The following BCO2 variants were observed in gnomAD, a reference collection of about 807,000 sequenced individuals.
BCO2 encodes the protein carotenoid-cleaving dioxygenase, mitochondrial.
Under a neutral mutation model 65.8 loss-of-function variants are expected in BCO2, and 56 were observed. The observed-to-expected ratio is 0.85, with a 90% CI of 0.69 to 1.06. The LOEUF (loss-of-function observed/expected upper bound fraction) is 1.06. Ranked by LOEUF, BCO2 falls within the 50% of genes least tolerant of loss-of-function variation. The pLI, the probability that BCO2 is intolerant of heterozygous loss-of-function variation, is 0.00. For missense variants in BCO2, 675 were observed against 698.5 expected (o/e 0.97, Z 0.38); for synonymous variants, 233 against 242.3 (o/e 0.96, Z 0.36).
chr11:112,194,000 G>A lies in BCO2; in HGVS notation c.633+6G>A, dbSNP rs201656985. On this transcript the variant is annotated splice_donor_region_variant and intron_variant, in intron 4 of 11. Coordinates refer to ENST00000357685, the MANE Select transcript of BCO2 (RefSeq NM_031938.7). Reference sequence around the variant, plus strand: ...CTCTGGAAAAAACAGAAAAGGTAAAGTACAGGTAAAAAAAAATGAATAAAA... The same window carrying A: ...CTCTGGAAAAAACAGAAAAGGTAAAATACAGGTAAAAAAAAATGAATAAAA... 6 of 1,431,074 alleles carry A rather than the reference G, an allele frequency of 4.2e-6. No homozygotes were observed. The highest frequency in any genetic ancestry group is 4.9e-6 in the Non-Finnish European group (5 of 1,014,522). 88.6% of individuals were successfully genotyped at this position (1,431,074 alleles called of 1,614,324 possible). A position where few individuals can be genotyped will look rare whatever the true frequency, so the allele number is the denominator to read the frequency against.
At chr11:112,194,825 C>A in intron 5 of BCO2, 70 bp downstream of exon 5, 1 of 1,118,362 alleles carries the variant, frequency 8.9e-7, no homozygotes, top group Non-Finnish European at 1.3e-6. Flanking sequence ...AAGATGAATA[C>A]TACAGGTTTG....
chr11:112,178,074 ATTT>A (rs11480780), intron 1 of BCO2, among the ~76,000 whole-genome samples: 1 of 141,758 alleles, frequency 7.1e-6, no homozygotes. Flanking sequence ...ACACCCGGCT[ATTT>A]TTTTTTTTTG....
At chr11:112,190,473 C>G (rs1199132100) in intron 2 of BCO2, among the ~76,000 whole-genome samples, 1 of 152,060 alleles carries the variant, frequency 6.6e-6, no homozygotes, top group Non-Finnish European at 1.5e-5. Context: ...TTAGTAAGTT[C>G]CAGGAAAAAT....
chr11:112,215,141 G>C, intron 10 of BCO2, 197 bp downstream of exon 10: 2 of 580,160 alleles, frequency 3.4e-6, no homozygotes, highest in South Asian at 4.2e-5. Context: ...CCCAGGCCCA[G>C]CAAAATAATT....
intron 2 of BCO2, 123 bp from the exon 3 acceptor site, chr11:112,193,351 G>A (rs2135369008): frequency 3.4e-6 from 3 of 894,560 alleles, no homozygotes; most frequent in Non-Finnish European, 5.2e-6. Context: ...TGACTAATCA[G>A]GTTGTGCTGG....
intron 8 of BCO2, among the ~76,000 whole-genome samples, chr11:112,212,768 C>A (rs916936360): frequency 3.3e-5 from 5 of 152,170 alleles, no homozygotes; most frequent in African/African-American, 1.2e-4. Flanking sequence ...ACATGATGAC[C>A]CTCAGTTACT....
intron 11 of BCO2, 140 bp downstream of exon 11, chr11:112,216,470 T>G: frequency 1.7e-6 from 1 of 593,322 alleles, no homozygotes; most frequent in Non-Finnish European, 3.0e-6. Context: ...TTACATACCC[T>G]TTTATCTCAA....
chr11:112,181,326 C>G (rs1867040390), intron 2 of BCO2, among the ~76,000 whole-genome samples: 1 of 148,836 alleles, frequency 6.7e-6, no homozygotes, highest in Non-Finnish European at 1.5e-5. Context: ...GGACTACAGG[C>G]GCCCGCCACT....
chr11:112,176,526 G>GGGGC (rs1555193567), intron 1 of BCO2: 1 of 122,368 alleles, frequency 8.2e-6, no homozygotes, highest in African/African-American at 3.0e-5. Context: ...GCGGGGGGGG[G>GGGGC]GGAATTAAAC....
Position 112,193,706 on chromosome 11 carries a change from G to C in BCO2, c.517+9G>C. ...GCCTGGTAAAGCTGCAGGTGATAGT[G>C]ATGATTATTTAAACTATTACGATAT... On this transcript the variant is annotated intron_variant, in intron 3 of 11. Transcript: ENST00000357685. 2 of 1,607,590 alleles carry C rather than the reference G, an allele frequency of 1.2e-6. No homozygotes were observed. The highest frequency in any genetic ancestry group is 1.7e-6 in the Non-Finnish European group (2 of 1,175,124).
chr11:112,181,282 C>G (rs937204874), intron 2 of BCO2: 141 of 549,868 alleles, frequency 2.6e-4, no homozygotes, highest in Middle Eastern at 5.0e-4. Flanking sequence ...CCCGGGTTCA[C>G]GCCATTCTCC....
intron 8 of BCO2, among the ~76,000 whole-genome samples, chr11:112,211,312 G>A (rs968524724): frequency 2.0e-5 from 2 of 101,042 alleles, no homozygotes; most frequent in Non-Finnish European, 4.0e-5. Flanking sequence ...AATAATATTC[G>A]ATTGTATACA....
At position 112,185,584 on chromosome 11, in the gene BCO2, G is replaced by A. The variant is rs185164285; in HGVS notation, c.293+6102G>A. Reference sequence around the variant, plus strand: ...GATGTATTTCCTGCCAGTTTTCCTCGCTATTTCTACGGATTTGTTTTAAAC... The same window carrying A: ...GATGTATTTCCTGCCAGTTTTCCTCACTATTTCTACGGATTTGTTTTAAAC... On this transcript the variant is annotated intron_variant, in intron 2 of 11. Transcript: ENST00000357685. Among the ~76,000 whole-genome samples the A allele has an allele frequency of 3.5e-4, 54 of 152,124 alleles. 1 individual carries two copies. The highest frequency in any genetic ancestry group is 1.3e-3 in the African/African-American group (53 of 41,488).
chr11:112,210,712 T>C (rs1001149355), intron 8 of BCO2, among the ~76,000 whole-genome samples: 3 of 151,614 alleles, frequency 2.0e-5, no homozygotes, highest in Non-Finnish European at 4.4e-5. Flanking sequence ...GCGTGGTGGG[T>C]ACATGAATTT....
intron 7 of BCO2, 150 bp downstream of exon 7, chr11:112,200,923 T>G: frequency 2.6e-6 from 2 of 775,082 alleles, no homozygotes; most frequent in Non-Finnish European, 4.2e-6. Context: ...TTGAGCTAGC[T>G]ACTTATTAAT....
At chr11:112,197,161 C>T (rs1867605250) in intron 5 of BCO2, among the ~76,000 whole-genome samples, 1 of 152,156 alleles carries the variant, frequency 6.6e-6, no homozygotes, top group African/African-American at 2.4e-5. Flanking sequence ...GAGTCTTCCC[C>T]ATCTCAGGAG....
At chr11:112,203,616 A>G (rs906970301) in intron 8 of BCO2, among the ~76,000 whole-genome samples, 1 of 152,202 alleles carries the variant, frequency 6.6e-6, no homozygotes, top group Non-Finnish European at 1.5e-5. Flanking sequence ...GTTAAAATCT[A>G]CTTGTTTAAC....
chr11:112,181,283 G>T, intron 2 of BCO2: 1 of 550,842 alleles, frequency 1.8e-6, no homozygotes, highest in Non-Finnish European at 3.2e-6. Context: ...CCGGGTTCAC[G>T]CCATTCTCCT....
intron 2 of BCO2, among the ~76,000 whole-genome samples, chr11:112,188,069 C>T (rs532663225): frequency 1.3e-5 from 2 of 152,270 alleles, no homozygotes; most frequent in African/African-American, 4.8e-5. Context: ...ACCCCGCCCC[C>T]AGCTCTTGGG....
Sources: allele counts gnomAD v4.1 joint callset (sites outside exome capture counted in the v4.1 genomes callset), GRCh38; gene constraint gnomAD v4.1.1; transcripts MANE v1.5; gene names NCBI Gene and HGNC (gene_info 2026-07-23, HGNC 2026-07-21).